B9D1: variants seen among roughly 807,000 people sequenced by gnomAD.
The protein encoded by B9D1 is B9 domain containing 1, also known as B9 domain-containing protein 1.
B9D1 carries 20 observed loss-of-function variants against 26.1 expected under a neutral mutation model. The ratio of observed to expected loss-of-function variants is 0.77; its 90% confidence interval spans 0.54 to 1.12. The LOEUF is 1.12. Ranked by LOEUF, B9D1 falls within the 50% of genes most tolerant of loss-of-function variation. B9D1 has a pLI of 0.00. For missense variants in B9D1, 260 were observed against 273.7 expected, an observed-to-expected ratio of 0.95 and a Z score of 0.35; for synonymous variants, 105 against 103.1, an observed-to-expected ratio of 1.02 and a Z score of -0.11.
intron 3 of B9D1, among the ~76,000 whole-genome samples, chr17:19,349,657 C>G (rs1909329493): frequency 6.6e-6 from 1 of 152,210 alleles, no homozygotes; most frequent in African/African-American, 2.4e-5. Flanking sequence ...GCAGGGATTA[C>G]AGGTGTGAGT....
In B9D1 at chr17:19,359,029, C is replaced by G. The variant is rs1445546533; in HGVS notation, c.133-1078G>C. Among the ~76,000 whole-genome samples, 1 of 152,188 alleles carries G rather than the reference C, an allele frequency of 6.6e-6. No individual in the cohort carries two copies. Among genetic ancestry groups the G allele is most frequent in the Non-Finnish European group, 1.5e-5 (1 of 68,030 alleles). ...TCAGACCTCACATCCATCAAAAGAA[C>G]CCAGCGGCTCTATCTTCAGAATATA... On this transcript the variant is annotated intron_variant, in intron 2 of 6. Coordinates refer to ENST00000261499, the MANE Select transcript of B9D1 (RefSeq NM_015681.6). This position sits in a 1 kb window ranked among gnomAD's most constrained non-coding sequence, Gnocchi z 5.0.
At chr17:19,356,443 G>T (rs747977964) in intron 3 of B9D1, among the ~76,000 whole-genome samples, 33 of 152,264 alleles carry the variant, frequency 2.2e-4, no homozygotes, top group Non-Finnish European at 2.1e-4. Context: ...AACAATCTTG[G>T]AGCTGAATAG....
intron 3 of B9D1, among the ~76,000 whole-genome samples, chr17:19,350,845 CTT>C (rs1263595723): frequency 7.1e-6 from 1 of 140,256 alleles, no homozygotes. Context: ...TTTTTTTTTT[CTT>C]TTTTTTTTTG....
At chr17:19,362,482 C>T (rs1179326611) in intron 1 of B9D1, 25 bp downstream of exon 1, 20 of 1,531,536 alleles carry the variant, frequency 1.3e-5, no homozygotes, top group Non-Finnish European at 1.8e-5. Flanking sequence ...GGGGGCGGGC[C>T]CCGGCGGGGT....
Position 19,372,671 on chromosome 17 carries a change from G to C in B9D1, c.-298+5188C>G, listed in dbSNP as rs1385767406. ...GAGAAAGCTGGGACTTGTGCTCATG[G>C]CTCTGACCCCAGCACACAGCACAGA... is the stretch of plus-strand genomic sequence containing the variant. On this transcript the variant is annotated intron_variant, in intron 1 of 5. Transcript: ENST00000477478. The surrounding 1 kb of genome is among the most constrained non-coding windows in gnomAD (Gnocchi z 4.4). Among the ~76,000 whole-genome samples the C allele has an allele frequency of 6.6e-6, 1 of 152,170 alleles. No individual in the cohort carries two copies. Among genetic ancestry groups the C allele is most frequent in the African/African-American group, 2.4e-5 (1 of 41,436 alleles).
chr17:19,335,274 C>A, downstream of B9D1: 3 of 856,400 alleles, frequency 3.5e-6, no homozygotes, highest in Non-Finnish European at 5.2e-6. Context: ...TGACTTTCAG[C>A]CTTTTTGGCT....
In B9D1 at chr17:19,347,259, C is replaced by A. The variant is rs1365656118; in HGVS notation, c.404+10G>T. Reference sequence around the variant, plus strand: ...TCAGGAGGGGCTGGGGTTATGGGTACAAAACTCACCTTGTAAACTTCTGCA... The same window carrying A: ...TCAGGAGGGGCTGGGGTTATGGGTAAAAAACTCACCTTGTAAACTTCTGCA... On this transcript the variant is annotated intron_variant, in intron 5 of 6. Transcript: ENST00000261499. The surrounding 1 kb of genome is among the most constrained non-coding windows in gnomAD (Gnocchi z 4.3). 6.2e-7 allele frequency: 1 copy of A among 1,614,110 alleles called. No homozygotes were observed. Among genetic ancestry groups the A allele is most frequent in the Non-Finnish European group, 8.5e-7 (1 of 1,180,056 alleles).
At chr17:19,374,753 A>G (rs1158990944) in intron 1 of B9D1, among the ~76,000 whole-genome samples, 1 of 152,258 alleles carries the variant, frequency 6.6e-6, no homozygotes, top group African/African-American at 2.4e-5. Flanking sequence ...GTGACAAAAG[A>G]CAAAACAGAT....
chr17:19,357,039 G>GT (rs1910448601), intron 3 of B9D1, among the ~76,000 whole-genome samples: 1 of 152,248 alleles, frequency 6.6e-6, no homozygotes, highest in Non-Finnish European at 1.5e-5. Context: ...GCCACGTGCA[G>GT]TAGAAAGGCC....
chr17:19,377,910 A>G, exon 1 of B9D1: 4 of 985,338 alleles, frequency 4.1e-6, no homozygotes, highest in Non-Finnish European at 4.8e-6. Context: ...GAAGCTGCGG[A>G]GAGGCTCAGC....
At chr17:19,335,172 T>C (rs1907342825), downstream of B9D1, 1 of 384,004 alleles carries the variant, frequency 2.6e-6, no homozygotes, top group Non-Finnish European at 4.7e-6. Context: ...ATGATGTTTA[T>C]TTAAAAAAAA....
At chr17:19,341,055 G>C, downstream of B9D1, 2 of 1,069,480 alleles carry the variant, frequency 1.9e-6, no homozygotes, top group Non-Finnish European at 2.4e-6. Flanking sequence ...TGGGTATGTG[G>C]TGTTCACTGT....
upstream of B9D1, chr17:19,362,954 G>T (rs1911334229): frequency 2.8e-6 from 1 of 359,918 alleles, no homozygotes; most frequent in Non-Finnish European, 5.5e-6. Flanking sequence ...AGGCGAATGA[G>T]AGCTGAGTCC....
At chr17:19,335,430 G>C, downstream of B9D1, 1 of 1,549,822 alleles carries the variant, frequency 6.5e-7, no homozygotes, top group Non-Finnish European at 8.7e-7. Flanking sequence ...CAGGACTTCT[G>C]TTTACAATGG....
At chr17:19,355,955 C>A (rs1910290094) in intron 3 of B9D1, among the ~76,000 whole-genome samples, 1 of 152,090 alleles carries the variant, frequency 6.6e-6, no homozygotes, top group African/African-American at 2.4e-5. Flanking sequence ...ATCTCTATTG[C>A]TTTATTGCCT....
At chr17:19,335,665 A>G (rs952167122), downstream of B9D1, 1 of 412,356 alleles carries the variant, frequency 2.4e-6, no homozygotes, top group Non-Finnish European at 4.3e-6. Context: ...CCTACCTGCT[A>G]ACTCCAGATA....
At chr17:19,362,726 A>G (rs996653238), upstream of B9D1, 1 of 1,358,604 alleles carries the variant, frequency 7.4e-7, no homozygotes, top group Non-Finnish European at 9.7e-7. Flanking sequence ...TGGCATGCGC[A>G]GGCGCAGTGA....
rs527535368 is a variant in B9D1 at position 19,370,526 on chromosome 17, G to A, written c.-298+7333C>T. Reference sequence around the variant, plus strand: ...TGGGGAATGTTCTGGGATGGGCGATGTCAGCCTCAGTGTGTTTGCTCAGCT... The same window carrying A: ...TGGGGAATGTTCTGGGATGGGCGATATCAGCCTCAGTGTGTTTGCTCAGCT... On this transcript the variant is annotated intron_variant, in intron 1 of 5. Transcript: ENST00000477478. This position sits in a 1 kb window ranked among gnomAD's most constrained non-coding sequence, Gnocchi z 5.1. Among the ~76,000 whole-genome samples the A allele has an allele frequency of 6.6e-6, 1 of 152,238 alleles. No individual in the cohort carries two copies. Among genetic ancestry groups the A allele is most frequent in the Non-Finnish European group, 1.5e-5 (1 of 68,036 alleles).
Position 19,372,928 on chromosome 17 carries a change from T to C in B9D1, c.-298+4931A>G. Among the ~76,000 whole-genome samples the C allele has an allele frequency of 6.6e-6, 1 of 152,232 alleles. No individual in the cohort carries two copies. Among genetic ancestry groups the C allele is most frequent in the East Asian group, 1.9e-4 (1 of 5,202 alleles). On this transcript the variant is annotated intron_variant, in intron 1 of 5. Coordinates refer to the B9D1 transcript ENST00000477478. This position sits in a 1 kb window ranked among gnomAD's most constrained non-coding sequence, Gnocchi z 4.4. ...AGTTGGGCACATCTATTATTTCTGCTGACCCACGTCCATCCACCTTCCTGA... is the reference window on the plus strand; with the variant it reads ...AGTTGGGCACATCTATTATTTCTGCCGACCCACGTCCATCCACCTTCCTGA...
Sources: allele counts gnomAD v4.1 joint callset (sites outside exome capture counted in the v4.1 genomes callset), GRCh38; gene constraint gnomAD v4.1.1; non-coding constraint Gnocchi (gnomAD v3.1); transcripts MANE v1.5; gene names NCBI Gene and HGNC (gene_info 2026-07-23, HGNC 2026-07-21).